The following MTHFD2L variants were observed in gnomAD, a reference collection of about 807,000 sequenced individuals.
The protein encoded by MTHFD2L is methylenetetrahydrofolate dehydrogenase (NADP+ dependent) 2 like.
A neutral mutation model predicts 34.9 loss-of-function variants in MTHFD2L; 29 were observed. The observed-to-expected ratio is 0.83, with a 90% confidence interval of 0.62 to 1.13. The LOEUF is 1.13. Among genes scored for constraint, MTHFD2L ranks in the 50% most tolerant of loss-of-function variants. MTHFD2L has a pLI of 0.00. For synonymous variants in MTHFD2L, 167 were observed against 155.7 expected (o/e 1.07, Z -0.54); for missense variants, 481 against 446.5 (o/e 1.08, Z -0.70).
intron 7 of MTHFD2L, among the ~76,000 whole-genome samples, chr4:74,293,208 C>T (rs1054407973): frequency 1.8e-4 from 27 of 152,004 alleles, no homozygotes; most frequent in African/African-American, 5.8e-4. Context: ...CCTCCACCCC[C>T]GACAGGCCCC....
At chr4:74,186,308 C>G (rs928223790) in intron 3 of MTHFD2L, among the ~76,000 whole-genome samples, 22 of 151,626 alleles carry the variant, frequency 1.5e-4, no homozygotes, top group African/African-American at 5.1e-4. Flanking sequence ...TTTCCTCTTA[C>G]AATCAAGAAA....
intron 7 of MTHFD2L, among the ~76,000 whole-genome samples, chr4:74,291,970 GAGA>G (rs1749020584): frequency 6.6e-6 from 1 of 152,152 alleles, no homozygotes; most frequent in Admixed American, 6.6e-5. Context: ...TTTACTATAA[GAGA>G]AGATCTTATA....
intron 6 of MTHFD2L, among the ~76,000 whole-genome samples, chr4:74,234,116 T>C (rs932000174): frequency 1.8e-4 from 28 of 152,022 alleles, no homozygotes; most frequent in African/African-American, 6.3e-4. Context: ...TTAATTCTAT[T>C]TGGGTCCATG....
At chr4:74,228,202 A>G (rs909331791) in intron 6 of MTHFD2L, among the ~76,000 whole-genome samples, 2 of 152,208 alleles carry the variant, frequency 1.3e-5, no homozygotes, top group Non-Finnish European at 2.9e-5. Context: ...AAACTTTTTC[A>G]GACCACAGAT....
At chr4:74,195,909 A>G (rs1733382759) in intron 3 of MTHFD2L, 1 of 152,472 alleles carries the variant, frequency 6.6e-6, no homozygotes, top group Non-Finnish European at 1.5e-5. Context: ...CAATCAGAAC[A>G]TTCCTCTATC....
chr4:74,171,961 C>A (rs1728101790), intron 1 of MTHFD2L, among the ~76,000 whole-genome samples: 2 of 152,002 alleles, frequency 1.3e-5, no homozygotes, highest in Non-Finnish European at 2.9e-5. Context: ...TATATCCATA[C>A]AATGTAATAC....
At chr4:74,271,730 G>A (rs1409016700) in intron 6 of MTHFD2L, among the ~76,000 whole-genome samples, 1 of 152,084 alleles carries the variant, frequency 6.6e-6, no homozygotes, top group African/African-American at 2.4e-5. Context: ...GCTTGATGGG[G>A]ATGGCATTGA....
At chr4:74,125,901 A>C (rs1315552303) in intron 1 of MTHFD2L, among the ~76,000 whole-genome samples, 1 of 152,188 alleles carries the variant, frequency 6.6e-6, no homozygotes, top group African/African-American at 2.4e-5. Flanking sequence ...TTTCTTATTA[A>C]ATATGTTAAC....
At chr4:74,249,946 C>G (rs1042583670) in intron 6 of MTHFD2L, among the ~76,000 whole-genome samples, 2 of 152,080 alleles carry the variant, frequency 1.3e-5, no homozygotes, top group Non-Finnish European at 2.9e-5. Context: ...GTGAATATGA[C>G]AATTATGTGT....
intron 1 of MTHFD2L, among the ~76,000 whole-genome samples, chr4:74,140,725 G>A (rs1578245798): frequency 6.6e-6 from 1 of 152,320 alleles, no homozygotes; most frequent in East Asian, 1.9e-4. Context: ...CATGGCAGAA[G>A]GGGAAGCAAA....
At chr4:74,191,544 T>C (rs904390434) in intron 3 of MTHFD2L, among the ~76,000 whole-genome samples, 1 of 151,868 alleles carries the variant, frequency 6.6e-6, no homozygotes, top group Non-Finnish European at 1.5e-5. Flanking sequence ...ATATTTTTAT[T>C]TTTATTTATT....
At chr4:74,180,827 C>T (rs755019008) in intron 3 of MTHFD2L, 16 of 268,022 alleles carry the variant, frequency 6.0e-5, no homozygotes, top group Non-Finnish European at 9.4e-5. Flanking sequence ...CTGTCCTGAC[C>T]GTGCAGAGAT....
At chr4:74,171,165 C>T (rs1727893015) in intron 1 of MTHFD2L, among the ~76,000 whole-genome samples, 2 of 152,050 alleles carry the variant, frequency 1.3e-5, no homozygotes, top group South Asian at 2.1e-4. Flanking sequence ...TAGGAAACAA[C>T]CTACTAAACA....
chr4:74,236,493 A>G (rs1036995882), intron 6 of MTHFD2L, among the ~76,000 whole-genome samples: 4 of 152,188 alleles, frequency 2.6e-5, no homozygotes, highest in East Asian at 3.8e-4. Context: ...TGTATTCTCT[A>G]TGGTCTCACC....
intron 5 of MTHFD2L, among the ~76,000 whole-genome samples, chr4:74,213,928 T>C (rs1273317874): frequency 6.7e-6 from 1 of 149,280 alleles, no homozygotes; most frequent in Non-Finnish European, 1.5e-5. Flanking sequence ...TTTTCTCTAA[T>C]CTTGTCTTCT....
chr4:74,249,437 T>C (rs1452122675), intron 6 of MTHFD2L, among the ~76,000 whole-genome samples: 1 of 152,194 alleles, frequency 6.6e-6, no homozygotes, highest in East Asian at 1.9e-4. Flanking sequence ...CTTTATCCAA[T>C]TTGCCAGTCT....
intron 6 of MTHFD2L, among the ~76,000 whole-genome samples, chr4:74,264,860 G>A (rs145387813): frequency 3.3e-5 from 5 of 152,064 alleles, no homozygotes; most frequent in Non-Finnish European, 7.4e-5. Flanking sequence ...AAAGTAAATT[G>A]ATTTATTTGG....
intron 6 of MTHFD2L, among the ~76,000 whole-genome samples, chr4:74,248,961 A>T (rs1300259831): frequency 6.6e-6 from 1 of 151,144 alleles, no homozygotes; most frequent in African/African-American, 2.4e-5. Context: ...TATTCTGTTG[A>T]TTTGGGGTGG....
chr4:74,159,703 T>G (rs1724987918), intron 1 of MTHFD2L, among the ~76,000 whole-genome samples: 1 of 152,242 alleles, frequency 6.6e-6, no homozygotes, highest in African/African-American at 2.4e-5. Context: ...ACTTTTAAGT[T>G]ACACATAATG....
Sources: allele counts gnomAD v4.1 joint callset (sites outside exome capture counted in the v4.1 genomes callset), GRCh38; gene constraint gnomAD v4.1.1; transcripts MANE v1.5; gene names NCBI Gene and HGNC (gene_info 2026-07-23, HGNC 2026-07-21).